ATG10: variants seen among roughly 807,000 people sequenced by gnomAD.
ATG10 encodes autophagy related 10, also known as ubiquitin-like-conjugating enzyme ATG10.
A neutral mutation model predicts 32.1 loss-of-function variants in ATG10; 30 were observed. The ratio of observed to expected loss-of-function variants is 0.94; its 90% CI spans 0.70 to 1.27. The LOEUF is 1.27. ATG10 is among the 50% of genes most tolerant of loss of function. The probability of loss-of-function intolerance (pLI) is 0.00; values close to 1 mark genes in which losing one functional copy is unlikely to be tolerated. For synonymous variants in ATG10, 87 were observed against 91.5 expected (o/e 0.95, Z 0.28); for missense variants, 233 against 262.3 (o/e 0.89, Z 0.77).
chr5:82,216,582 T>C (rs926798382), intron 5 of ATG10, among the ~76,000 whole-genome samples: 1 of 152,164 alleles, frequency 6.6e-6, no homozygotes, highest in Non-Finnish European at 1.5e-5. Flanking sequence ...TAGGTATGAA[T>C]AGAATGGGAG....
chr5:82,239,843 A>T (rs1366664566), intron 5 of ATG10, among the ~76,000 whole-genome samples: 1 of 152,194 alleles, frequency 6.6e-6, no homozygotes, highest in East Asian at 1.9e-4. Context: ...AATCCAATTT[A>T]AAAAATGGGT....
intron 2 of ATG10, among the ~76,000 whole-genome samples, chr5:82,007,112 A>C (rs182538086): frequency 1.6e-3 from 239 of 152,136 alleles, no homozygotes; most frequent in Middle Eastern, 6.8e-3. Context: ...TCAGCCTCCC[A>C]CAGTATTTGT....
rs918988312 is a variant in ATG10 at position 82,130,080 on chromosome 5, C to T, written c.217-34319C>T. Among the ~76,000 whole-genome samples the T allele has an allele frequency of 2.6e-5, 4 of 152,288 alleles. No homozygotes were observed. The South Asian group carries it at 6.2e-4, about 24-fold the overall frequency. On this transcript the variant is annotated intron_variant, in intron 3 of 7. Transcript: ENST00000282185. ...CCTAGAGAGACAGTCTGGCTGCAGC[C>T]GCTTTGCCAAGCTGCGGCGGGCTCC... is the stretch of plus-strand genomic sequence containing the variant.
At chr5:82,019,059 ATGAG>A (rs536528932) in intron 2 of ATG10, among the ~76,000 whole-genome samples, 106 of 152,328 alleles carry the variant, frequency 7.0e-4, no homozygotes, top group Non-Finnish European at 1.2e-3. Flanking sequence ...GTTTTGTTAA[ATGAG>A]TGAGTGAGTA....
chr5:81,994,733 T>C (rs959175134), intron 2 of ATG10, among the ~76,000 whole-genome samples: 1 of 152,252 alleles, frequency 6.6e-6, no homozygotes, highest in South Asian at 2.1e-4. Context: ...TTTTTAAGAT[T>C]CTGTCTTACT....
At chr5:82,167,106 A>G (rs1282623962) in intron 4 of ATG10, among the ~76,000 whole-genome samples, 1 of 152,090 alleles carries the variant, frequency 6.6e-6, no homozygotes, top group Admixed American at 6.6e-5. Context: ...TTTTCTTTAT[A>G]TGGTCCAGTT....
Position 82,183,114 on chromosome 5 carries a change from A to C in ATG10, c.453+4527A>C, listed in dbSNP as rs569708698. Among the ~76,000 whole-genome samples, 3 of 149,624 alleles carry C rather than the reference A, an allele frequency of 2.0e-5. No homozygotes were observed. The South Asian group carries it at 6.3e-4, about 31-fold the overall frequency. ...TCAAAATAGTTAATTAAAAAAGGTA[A>C]GGACTCAAAAAAAACATAACCACAA... is the stretch of plus-strand genomic sequence containing the variant. On this transcript the variant is annotated intron_variant, in intron 5 of 7. Coordinates refer to ENST00000282185, the MANE Select transcript of ATG10 (RefSeq NM_031482.5).
intron 4 of ATG10, among the ~76,000 whole-genome samples, chr5:82,172,648 T>C (rs1477809893): frequency 1.3e-5 from 2 of 152,188 alleles, no homozygotes; most frequent in African/African-American, 2.4e-5. Context: ...ACTTAAACTC[T>C]ATAGCCCATT....
chr5:82,063,385 A>C (rs1763844350), intron 3 of ATG10, among the ~76,000 whole-genome samples: 1 of 152,222 alleles, frequency 6.6e-6, no homozygotes. Flanking sequence ...CTTAATAGAT[A>C]GTACATTTGT....
chr5:82,018,475 C>T (rs1156318211), intron 2 of ATG10, among the ~76,000 whole-genome samples: 1 of 152,188 alleles, frequency 6.6e-6, no homozygotes, highest in Non-Finnish European at 1.5e-5. Flanking sequence ...GATTGTGTCA[C>T]TTCTCAACTC....
chr5:82,198,721 A>G (rs1303079291), intron 5 of ATG10, among the ~76,000 whole-genome samples: 1 of 152,192 alleles, frequency 6.6e-6, no homozygotes, highest in Admixed American at 6.5e-5. Flanking sequence ...TAACAGAAGA[A>G]ATTCCCGAAA....
chr5:82,102,543 G>C lies in ATG10; in HGVS notation c.216+43941G>C, dbSNP rs535035832. The stretch of plus-strand genomic sequence containing the variant: ...CTATTGTTTGCCAAATTAGAAAAAT[G>C]CCATAGATAAAAGAAACATCATTTT... On this transcript the variant is annotated intron_variant, in intron 3 of 7. Coordinates refer to ENST00000282185, the MANE Select transcript of ATG10 (RefSeq NM_031482.5). Among the ~76,000 whole-genome samples the C allele has an allele frequency of 2.6e-5, 4 of 152,198 alleles. No homozygotes were observed. The South Asian group carries it at 8.3e-4, about 32-fold the overall frequency.
chr5:82,072,439 C>A lies in ATG10; in HGVS notation c.216+13837C>A, dbSNP rs554655172. ...GCTGCTCGTTCCTTCAGTGTAAGAT[C>A]CATAGCTTATTTATCTTTGCAGCAC... On this transcript the variant is annotated intron_variant, in intron 3 of 7. Coordinates refer to ENST00000282185, the MANE Select transcript of ATG10 (RefSeq NM_031482.5). 1.7e-4 allele frequency among the ~76,000 whole-genome samples: 26 copies of A among 152,092 alleles called. No individual in the cohort carries two copies. The South Asian group carries it at 5.4e-3, about 32-fold the overall frequency.
chr5:82,202,054 A>T (rs1309050198), intron 5 of ATG10, among the ~76,000 whole-genome samples: 1 of 152,140 alleles, frequency 6.6e-6, no homozygotes, highest in Non-Finnish European at 1.5e-5. Flanking sequence ...GGTTTTCTAT[A>T]TTGACAATTG....
At chr5:82,064,733 G>A (rs542576502) in intron 3 of ATG10, among the ~76,000 whole-genome samples, 2 of 151,760 alleles carry the variant, frequency 1.3e-5, no homozygotes, top group African/African-American at 4.8e-5. Context: ...TATTAATATG[G>A]CAAATAAATG....
chr5:82,229,473 T>C (rs1746261477), intron 5 of ATG10, among the ~76,000 whole-genome samples: 1 of 152,230 alleles, frequency 6.6e-6, no homozygotes, highest in African/African-American at 2.4e-5. Flanking sequence ...TGGATGCCAC[T>C]TTCTTATTGG....
intron 5 of ATG10, among the ~76,000 whole-genome samples, chr5:82,186,861 C>T (rs1039942460): frequency 2.0e-5 from 3 of 152,118 alleles, no homozygotes; most frequent in African/African-American, 4.8e-5. Flanking sequence ...GGATTACAGG[C>T]GTGAGCCACC....
chr5:82,215,034 G>A (rs548081595), intron 5 of ATG10, among the ~76,000 whole-genome samples: 5 of 152,290 alleles, frequency 3.3e-5, no homozygotes, highest in Admixed American at 2.0e-4. Context: ...AAACTTAAAT[G>A]ATTTAATACA....
rs549321704 is a variant in ATG10, at chr5:82,135,917, T to C, written c.217-28482T>C. On this transcript the variant is annotated intron_variant, in intron 3 of 7. Transcript: ENST00000282185. ...TCTAGGTGGTCCTGTATTGGGTGCA[T>C]ATATATTTAGGAGTGTTAGCTCTTC... Among the ~76,000 whole-genome samples, 175 of 152,238 alleles carry C rather than the reference T, an allele frequency of 1.1e-3. 2 individuals are homozygous for C. Among genetic ancestry groups the C allele is most frequent in the Admixed American group, 2.3e-3 (35 of 15,302 alleles).
Sources: allele counts gnomAD v4.1 joint callset (sites outside exome capture counted in the v4.1 genomes callset), GRCh38; gene constraint gnomAD v4.1.1; transcripts MANE v1.5; gene names NCBI Gene and HGNC (gene_info 2026-07-23, HGNC 2026-07-21).